CDYL: variants seen among roughly 807,000 people sequenced by gnomAD.
The protein encoded by CDYL is chromodomain Y-like protein.
In CDYL, 8 loss-of-function variants were observed where a neutral mutation model predicts 47.3. The observed-to-expected ratio is 0.17, with a 90% CI of 0.10 to 0.31. The LOEUF (loss-of-function observed/expected upper bound fraction) is 0.31, where lower values mean the gene tolerates loss of function less well. Ranked by LOEUF, CDYL falls within the 10% of genes least tolerant of loss-of-function variation. The pLI, the probability that CDYL is intolerant of heterozygous loss-of-function variation, is 1.00. For missense variants in CDYL, 471 were observed against 701.4 expected (o/e 0.67, Z 3.71); for synonymous variants, 266 against 265.0 (o/e 1.00, Z -0.04).
At chr6:4,853,961 G>T (rs1760929019) in intron 1 of CDYL, among the ~76,000 whole-genome samples, 1 of 152,224 alleles carries the variant, frequency 6.6e-6, no homozygotes, top group African/African-American at 2.4e-5. Flanking sequence ...CCGAAATTCA[G>T]CACAGATGGG....
intron 1 of CDYL, among the ~76,000 whole-genome samples, chr6:4,885,486 A>G (rs972987187): frequency 6.6e-6 from 1 of 152,064 alleles, no homozygotes; most frequent in African/African-American, 2.4e-5. Context: ...GCTGGGTTTT[A>G]TCCGAGGTTT....
intron 3 of CDYL, among the ~76,000 whole-genome samples, chr6:4,736,359 G>A (rs758348631): frequency 9.9e-5 from 15 of 152,186 alleles, no homozygotes; most frequent in Middle Eastern, 3.2e-3. Flanking sequence ...AGTTTGTTGC[G>A]TACATTCATA....
intron 1 of CDYL, among the ~76,000 whole-genome samples, chr6:4,834,584 G>A (rs1172874554): frequency 1.3e-5 from 2 of 150,188 alleles, no homozygotes; most frequent in Non-Finnish European, 3.0e-5. Context: ...GTATCTTTGT[G>A]GCGTTCTCTG....
intron 2 of CDYL, among the ~76,000 whole-genome samples, chr6:4,898,798 A>T (rs1015278137): frequency 6.6e-6 from 1 of 152,230 alleles, no homozygotes; most frequent in African/African-American, 2.4e-5. Flanking sequence ...CATGCACACC[A>T]TAATGATTTT....
intron 1 of CDYL, among the ~76,000 whole-genome samples, chr6:4,844,216 G>A (rs1194734840): frequency 6.6e-6 from 1 of 152,204 alleles, no homozygotes; most frequent in Non-Finnish European, 1.5e-5. Flanking sequence ...ACCAGCACCT[G>A]AGCGTGCTTA....
intron 1 of CDYL, among the ~76,000 whole-genome samples, chr6:4,811,950 T>TC (rs1318488712): frequency 6.6e-6 from 1 of 152,210 alleles, no homozygotes; most frequent in Non-Finnish European, 1.5e-5. Flanking sequence ...ACCTTCCACA[T>TC]CATCTCCTGT....
intron 1 of CDYL, among the ~76,000 whole-genome samples, chr6:4,783,952 C>T (rs933381053): frequency 6.6e-6 from 1 of 152,170 alleles, no homozygotes; most frequent in African/African-American, 2.4e-5. Flanking sequence ...TCTCTGTACT[C>T]GTCAGGAATT....
intron 1 of CDYL, among the ~76,000 whole-genome samples, chr6:4,804,775 G>A (rs1265079976): frequency 6.6e-6 from 1 of 152,190 alleles, no homozygotes; most frequent in East Asian, 1.9e-4. Context: ...TTGAAAAAAT[G>A]TCTTTTAATG....
In CDYL at chr6:4,731,594, C is replaced by T. The variant is rs184056382; in HGVS notation, c.104-3168C>T. Among the ~76,000 whole-genome samples, 28 of 152,010 alleles carry T rather than the reference C, an allele frequency of 1.8e-4. No homozygotes were observed. In the East Asian group the frequency reaches 2.9e-3, roughly 16 times the overall value. On this transcript the variant is annotated intron_variant, in intron 2 of 8. Coordinates refer to the CDYL transcript ENST00000328908. ...GGCAGATCACTTGAGGTCAGGAGTT[C>T]GAGACCAGCGCCTGGCCAACATAGT...
upstream of CDYL, among the ~76,000 whole-genome samples, chr6:4,773,408 T>C (rs1758368254): frequency 6.6e-6 from 1 of 152,190 alleles, no homozygotes; most frequent in African/African-American, 2.4e-5. The surrounding 1 kb of genome is among the most constrained non-coding windows in gnomAD (Gnocchi z 4.6). Context: ...TCATGGAAAC[T>C]ACAGAACTTC....
chr6:4,907,693 T>C (rs1203228507), intron 2 of CDYL, among the ~76,000 whole-genome samples: 1 of 152,196 alleles, frequency 6.6e-6, no homozygotes, highest in South Asian at 2.1e-4. Flanking sequence ...TTTTTAAGTA[T>C]TCTCGGATGC....
intron 2 of CDYL, among the ~76,000 whole-genome samples, chr6:4,902,530 G>A (rs772954777): frequency 6.6e-6 from 1 of 152,148 alleles, no homozygotes; most frequent in Non-Finnish European, 1.5e-5. Flanking sequence ...CAATGCAGCT[G>A]TGCCCAAGAT....
At chr6:4,734,219 T>C (rs1260908517) in intron 2 of CDYL, among the ~76,000 whole-genome samples, 2 of 151,972 alleles carry the variant, frequency 1.3e-5, no homozygotes, top group South Asian at 2.1e-4. Context: ...ATGTAAGTCA[T>C]GCAGCTGTCC....
chr6:4,920,372 G>T (rs1308273249), intron 2 of CDYL, among the ~76,000 whole-genome samples: 2 of 152,332 alleles, frequency 1.3e-5, no homozygotes, highest in African/African-American at 4.8e-5. Context: ...TTGCTAATAT[G>T]TAGGACTTGT....
intron 1 of CDYL, chr6:4,714,881 G>A (rs1274717273): frequency 6.6e-6 from 1 of 152,184 alleles, no homozygotes; most frequent in African/African-American, 2.4e-5. Flanking sequence ...CAATCTTGAT[G>A]CGCCACCTGA....
At chr6:4,947,860 G>T (rs1301476616) in intron 5 of CDYL, among the ~76,000 whole-genome samples, 1 of 152,210 alleles carries the variant, frequency 6.6e-6, no homozygotes. Flanking sequence ...TGGCCGTGGG[G>T]TTGGCGGCCC....
At chr6:4,780,275 G>A (rs1758575922) in intron 1 of CDYL, among the ~76,000 whole-genome samples, 1 of 149,356 alleles carries the variant, frequency 6.7e-6, no homozygotes, top group African/African-American at 2.5e-5. Flanking sequence ...TATCTCCCAG[G>A]CTGATGTGCA....
intron 1 of CDYL, among the ~76,000 whole-genome samples, chr6:4,877,201 G>A (rs1448143186): frequency 6.6e-6 from 1 of 152,172 alleles, no homozygotes; most frequent in African/African-American, 2.4e-5. Context: ...TACTGAGAGT[G>A]GGTGTTTCAT....
At chr6:4,859,373 G>A (rs1375945799) in intron 1 of CDYL, among the ~76,000 whole-genome samples, 1 of 152,006 alleles carries the variant, frequency 6.6e-6, no homozygotes, top group Non-Finnish European at 1.5e-5. Context: ...AGCTGCCCGG[G>A]GTGCCTTGCT....
Sources: gnomAD v4.1 joint callset for allele counts (sites outside exome capture counted in the v4.1 genomes callset) on GRCh38, gnomAD v4.1.1 for gene constraint, Gnocchi (gnomAD v3.1) non-coding constraint, MANE v1.5 for transcripts, NCBI Gene and HGNC (gene_info 2026-07-23, HGNC 2026-07-21) for gene names.